CNN2: variants seen among roughly 807,000 people sequenced by gnomAD.
CNN2 encodes the protein calponin 2, also known as calponin-2.
CNN2 carries 21 observed loss-of-function variants against 31.0 expected under a neutral mutation model. That is an observed-to-expected ratio of 0.68 (90% CI 0.48 to 0.98). The LOEUF (loss-of-function observed/expected upper bound fraction) is 0.98, where lower values mean the gene tolerates loss of function less well. Ranked by LOEUF, CNN2 falls within the 50% of genes least tolerant of loss-of-function variation. The pLI, the probability that CNN2 is intolerant of heterozygous loss-of-function variation, is 0.00. For synonymous variants in CNN2, 165 were observed against 179.6 expected (o/e 0.92, Z 0.65); for missense variants, 399 against 427.3 (o/e 0.93, Z 0.58).
At chr19:1,030,956 C>T in intron 1 of CNN2, 115 bp from the exon 2 acceptor site, 3 of 1,321,550 alleles carry the variant, frequency 2.3e-6, no homozygotes, top group Non-Finnish European at 3.1e-6. Flanking sequence ...ACCTCCAGGC[C>T]GCTCTATCTG....
chr19:1,037,451 T>C, intron 6 of CNN2, 174 bp from the exon 7 acceptor site: 1 of 773,006 alleles, frequency 1.3e-6, no homozygotes, highest in Non-Finnish European at 2.1e-6. Context: ...TTTGTATTTT[T>C]GGGAGAGACA....
rs904222234 is a variant in CNN2 at position 1,032,920 on chromosome 19, A to G, written c.390+224A>G. ...CAGTCTCCCGAGTAGCTGGGATTACAGGCACCTGCCACCACGCCTGGCTAA... is the reference window on the plus strand; with the variant it reads ...CAGTCTCCCGAGTAGCTGGGATTACGGGCACCTGCCACCACGCCTGGCTAA... On this transcript the variant is annotated intron_variant, in intron 4 of 6. Transcript: ENST00000263097. The G allele has an allele frequency of 1.0e-4, 46 of 462,280 alleles. No homozygotes were observed. The East Asian group carries it at 1.1e-3, about 11-fold the overall frequency. 28.6% of individuals were successfully genotyped at this position (462,280 alleles called of 1,614,324 possible). A position where few individuals can be genotyped will look rare whatever the true frequency, so the allele number is the denominator to read the frequency against.
rs1034922836 is a variant in CNN2 at position 1,026,617 on chromosome 19, C to T, written c.-45C>T. On this transcript the variant is annotated 5_prime_UTR_variant, in exon 1 of 7. Coordinates refer to ENST00000263097, the MANE Select transcript of CNN2 (RefSeq NM_004368.4). ...CCCGCGCCAGCCCGGCGGTCCCGTC[C>T]CGTCCCGTCCTGTGCGGCCCCGTCC... 4 of 1,470,392 alleles carry T rather than the reference C, an allele frequency of 2.7e-6. No homozygotes were observed. The highest frequency in any genetic ancestry group is 1.3e-5 in the South Asian group (1 of 78,186). The allele number at this position is 1,470,392 out of a possible 1,614,324, so 91.1% of individuals were successfully genotyped here.
chr19:1,032,443 G>A lies in CNN2; in HGVS notation c.237G>A (p.Met79Ile), dbSNP rs746760531. The A allele has an allele frequency of 1.2e-6, 2 of 1,613,568 alleles. No homozygotes were observed. Among genetic ancestry groups the A allele is most frequent in the South Asian group, 1.1e-5 (1 of 91,090 alleles). Residue 79 changes from methionine to isoleucine, a missense_variant, in exon 3 of 7, where the codon ATG (methionine) becomes ATA (isoleucine). Transcript: ENST00000263097. The stretch of plus-strand genomic sequence containing the variant: ...CCGTCCCCAAGATCAACCGCTCCAT[G>A]CAGAACTGGCACCAGGTGAGGGGCT... ...PGSVPKINRS[M>I]QNWHQLENLS...
At chr19:1,037,214 G>T in intron 6 of CNN2, 1 of 216,770 alleles carries the variant, frequency 4.6e-6, no homozygotes, top group South Asian at 6.2e-5. Context: ...TGTTGGTCAG[G>T]CTAGTCTTGA....
intron 2 of CNN2, among the ~76,000 whole-genome samples, chr19:1,031,840 G>C (rs1231190968): frequency 6.6e-6 from 1 of 151,730 alleles, no homozygotes; most frequent in South Asian, 2.1e-4. Flanking sequence ...CTGGTCTTGA[G>C]CCCTTGACGT....
chr19:1,036,750 T>C (rs1388083707), intron 6 of CNN2, 188 bp downstream of exon 6: 9 of 705,382 alleles, frequency 1.3e-5, no homozygotes, highest in Non-Finnish European at 2.4e-6. Flanking sequence ...CATTTCCACC[T>C]GGCTGTGGGT....
At chr19:1,032,208 C>T (rs2039508545) in intron 2 of CNN2, among the ~76,000 whole-genome samples, 184 bp from the exon 3 acceptor site, 1 of 140,930 alleles carries the variant, frequency 7.1e-6, no homozygotes, top group Admixed American at 7.4e-5. Flanking sequence ...GCACTCTAGT[C>T]TGGGTGACAG....
At chr19:1,037,337 C>T (rs1295015248) in intron 6 of CNN2, 9 of 358,680 alleles carry the variant, frequency 2.5e-5, no homozygotes, top group East Asian at 1.1e-4. Context: ...GGGGTTTCAC[C>T]GTGTTGGCCA....
chr19:1,036,546 A>G lies in CNN2; in HGVS notation c.638A>G (p.Asn213Ser). 1 of 1,613,544 alleles carries G rather than the reference A, an allele frequency of 6.2e-7. No homozygotes were observed. The highest frequency in any genetic ancestry group is 8.5e-7 in the Non-Finnish European group (1 of 1,179,674). The change falls in exon 6 of 7, where the codon AAC becomes AGC. Residue 213 changes from asparagine (N) to serine (S), a missense_variant. Transcript: ENST00000263097. ...HSTISLQMGT[N>S]KCASQVGMTA... ...ACCATCAGCCTCCAGATGGGCACGA[A>G]CAAGTGTGCCAGCCAGGTGGGGCTC...
At chr19:1,036,693 G>C in intron 6 of CNN2, 131 bp downstream of exon 6, 1 of 1,102,458 alleles carries the variant, frequency 9.1e-7, no homozygotes, top group Non-Finnish European at 1.4e-6. Context: ...GACCACCTCC[G>C]GCTTCCCTCC....
intron 1 of CNN2, among the ~76,000 whole-genome samples, chr19:1,027,258 G>T (rs2039414030): frequency 6.6e-6 from 1 of 152,230 alleles, no homozygotes; most frequent in African/African-American, 2.4e-5. Context: ...GGGGTGTCTT[G>T]GGGGGAGGGG....
chr19:1,026,800 G>A, intron 1 of CNN2, 76 bp downstream of exon 1: 1 of 1,414,432 alleles, frequency 7.1e-7, no homozygotes, highest in Non-Finnish European at 9.5e-7. Context: ...GCCCCCAGGC[G>A]CCCCCGGCAC....
intron 1 of CNN2, 163 bp downstream of exon 1, chr19:1,026,887 G>A: frequency 1.5e-6 from 1 of 657,432 alleles, no homozygotes; most frequent in Non-Finnish European, 2.5e-6. Context: ...GGATGTCTGC[G>A]GGCACCCCCT....
intron 1 of CNN2, chr19:1,027,078 C>T (rs1410993976): frequency 8.6e-6 from 2 of 232,082 alleles, no homozygotes; most frequent in Non-Finnish European, 1.7e-5. Context: ...GTTCAAGGTC[C>T]GACAACGCTC....
chr19:1,026,846 G>C (rs1413639189), intron 1 of CNN2, 122 bp downstream of exon 1: 2 of 957,096 alleles, frequency 2.1e-6, no homozygotes, highest in Non-Finnish European at 3.0e-6. Context: ...CGGGGCGGAC[G>C]GGCCCTTGTT....
At chr19:1,026,814 C>G in intron 1 of CNN2, 90 bp downstream of exon 1, 1 of 1,296,406 alleles carries the variant, frequency 7.7e-7, no homozygotes, top group Non-Finnish European at 1.0e-6. Context: ...CCGGCACCTC[C>G]CGGGCAGGGA....
chr19:1,036,892 T>A, intron 6 of CNN2: 1 of 384,626 alleles, frequency 2.6e-6, no homozygotes, highest in South Asian at 2.1e-5. Context: ...CTCACTCTGT[T>A]GTCCAGGCTG....
At position 1,037,675 on chromosome 19, in the gene CNN2, G is replaced by A; in HGVS notation, c.705G>A (p.Leu235=). The A allele has an allele frequency of 6.2e-7, 1 of 1,611,418 alleles. No homozygotes were observed. The highest frequency in any genetic ancestry group is 8.5e-7 in the Non-Finnish European group (1 of 1,180,026). The change falls in exon 7 of 7, where the codon CTG becomes CTA. Residue 235 remains leucine, a synonymous_variant. Transcript: ENST00000263097. ...GTRRHIYDTK[L]GTDKCDNSSM... ...GGCGGCACATCTATGATACCAAGCT[G>A]GGAACCGACAAGTGTGACAACTCCT...
Sources: allele counts gnomAD v4.1 joint callset (sites outside exome capture counted in the v4.1 genomes callset), GRCh38; gene constraint gnomAD v4.1.1; transcripts MANE v1.5; gene names NCBI Gene and HGNC (gene_info 2026-07-23, HGNC 2026-07-21).